Variants in NRXN3 observed in about 807,000 individuals in gnomAD.
NRXN3 encodes the protein neurexin 3.
A neutral mutation model predicts 137.6 loss-of-function variants in NRXN3; 32 were observed. The observed-to-expected ratio is 0.23, with a 90% CI of 0.18 to 0.31. NRXN3 has a LOEUF of 0.31. NRXN3 is among the 10% of genes least tolerant of loss of function. NRXN3 has a pLI of 1.00. For synonymous variants in NRXN3, 798 were observed against 784.5 expected, an observed-to-expected ratio of 1.02 and a Z score of -0.29; for missense variants, 1,574 against 2,062.5, an observed-to-expected ratio of 0.76 and a Z score of 4.59.
intron 8 of NRXN3, among the ~76,000 whole-genome samples, chr14:78,801,871 T>C (rs1463980365): frequency 6.6e-6 from 1 of 152,228 alleles, no homozygotes; most frequent in Non-Finnish European, 1.5e-5. Flanking sequence ...GCTTCCCTCC[T>C]CTGAATGTTA....
intron 1 of NRXN3, among the ~76,000 whole-genome samples, chr14:78,227,395 G>A (rs75828151): frequency 0.021 from 3,146 of 152,214 alleles, 95 homozygotes; most frequent in African/African-American, 0.072. Flanking sequence ...ATGAGACAGA[G>A]TTACTTTATA....
intron 16 of NRXN3, among the ~76,000 whole-genome samples, chr14:79,629,665 A>G (rs530741716): frequency 3.3e-5 from 5 of 152,198 alleles, no homozygotes; most frequent in Non-Finnish European, 7.3e-5. Context: ...GGGAGTAAGC[A>G]GGGTGACAAA....
chr14:78,574,630 G>T (rs538366507), intron 4 of NRXN3, among the ~76,000 whole-genome samples: 4 of 152,326 alleles, frequency 2.6e-5, no homozygotes, highest in African/African-American at 9.6e-5. Context: ...TGTGGAATAG[G>T]TGTATTCACC....
chr14:78,929,487 T>C (rs1056723865), intron 10 of NRXN3, among the ~76,000 whole-genome samples: 15 of 152,324 alleles, frequency 9.8e-5, no homozygotes, highest in Admixed American at 5.2e-4. Flanking sequence ...ATTAGTTTGC[T>C]AAGGATAATG....
chr14:79,737,730 CT>C (rs559480106), intron 19 of NRXN3, among the ~76,000 whole-genome samples: 246 of 144,048 alleles, frequency 1.7e-3, no homozygotes, highest in African/African-American at 1.9e-3. Context: ...TTCTTTCTTT[CT>C]TTTTTTTTTT....
chr14:79,093,632 G>A (rs556123158), intron 15 of NRXN3, among the ~76,000 whole-genome samples: 7 of 152,236 alleles, frequency 4.6e-5, no homozygotes, highest in African/African-American at 9.6e-5. Flanking sequence ...TAAGCACACC[G>A]GTTAAGTGTG....
chr14:78,767,972 A>G (rs1461104608), intron 8 of NRXN3, among the ~76,000 whole-genome samples: 1 of 151,992 alleles, frequency 6.6e-6, no homozygotes, highest in Non-Finnish European at 1.5e-5. Context: ...AGAAATTCCC[A>G]CATATAAAAT....
intron 15 of NRXN3, among the ~76,000 whole-genome samples, chr14:79,348,019 T>C (rs1272743832): frequency 6.6e-6 from 1 of 152,190 alleles, no homozygotes; most frequent in Non-Finnish European, 1.5e-5. Context: ...CTTTCATGGC[T>C]TTTTAAGCTT....
At chr14:78,538,287 A>C (rs992484241) in intron 4 of NRXN3, among the ~76,000 whole-genome samples, 1 of 152,022 alleles carries the variant, frequency 6.6e-6, no homozygotes. Flanking sequence ...CTTTTATTTC[A>C]TTGAGCAGTG....
chr14:78,250,708 G>T (rs28690246), intron 2 of NRXN3, among the ~76,000 whole-genome samples: 2,096 of 152,302 alleles, frequency 0.014, 47 homozygotes, highest in African/African-American at 0.045. Context: ...GGGTGCAAGG[G>T]TATGAGGGCA....
chr14:78,834,339 C>T (rs140824873), intron 10 of NRXN3, among the ~76,000 whole-genome samples: 1,910 of 152,208 alleles, frequency 0.013, 43 homozygotes, highest in African/African-American at 0.044. Context: ...ATAAATGACT[C>T]ACTTGGCACC....
intron 15 of NRXN3, among the ~76,000 whole-genome samples, chr14:79,272,210 G>T (rs941525855): frequency 4.5e-5 from 5 of 112,312 alleles, no homozygotes; most frequent in Admixed American, 8.9e-5. Context: ...GTCTAATTTG[G>T]TTTAGGTTTT....
chr14:78,508,943 A>G (rs2096053102), intron 4 of NRXN3, among the ~76,000 whole-genome samples: 1 of 152,236 alleles, frequency 6.6e-6, no homozygotes, highest in South Asian at 2.1e-4. Context: ...ATTCAGTACT[A>G]TAATGTAGAG....
chr14:78,176,322 G>A (rs2059262251), intron 1 of NRXN3, among the ~76,000 whole-genome samples: 1 of 151,282 alleles, frequency 6.6e-6, no homozygotes, highest in Non-Finnish European at 1.5e-5. Flanking sequence ...GGTAGTAATA[G>A]TCGTGATATA....
At chr14:78,196,065 A>G (rs1333185785) in intron 1 of NRXN3, among the ~76,000 whole-genome samples, 1 of 152,216 alleles carries the variant, frequency 6.6e-6, no homozygotes, top group Non-Finnish European at 1.5e-5. Context: ...TTCGTTTCCC[A>G]TGGGCCAAGG....
intron 4 of NRXN3, among the ~76,000 whole-genome samples, chr14:78,404,392 C>G (rs547331722): frequency 6.6e-6 from 1 of 152,072 alleles, no homozygotes; most frequent in Non-Finnish European, 1.5e-5. Context: ...TCAGGCTTGT[C>G]AGATACTATT....
intron 15 of NRXN3, among the ~76,000 whole-genome samples, chr14:79,433,328 T>C (rs1312254968): frequency 6.6e-6 from 1 of 152,144 alleles, no homozygotes; most frequent in East Asian, 1.9e-4. Context: ...TCCTGGTTGT[T>C]CTTGACCCCC....
intron 20 of NRXN3, among the ~76,000 whole-genome samples, chr14:79,828,200 G>A (rs1380963778): frequency 6.6e-6 from 1 of 152,188 alleles, no homozygotes; most frequent in Non-Finnish European, 1.5e-5. Context: ...GCAGCTTTGA[G>A]TCAACCCATA....
At chr14:79,474,488 T>A (rs1474871778) in intron 16 of NRXN3, among the ~76,000 whole-genome samples, 1 of 152,142 alleles carries the variant, frequency 6.6e-6, no homozygotes, top group Non-Finnish European at 1.5e-5. Flanking sequence ...TTAACCAGAT[T>A]CACAATGAAG....
Sources: allele counts gnomAD v4.1 joint callset (sites outside exome capture counted in the v4.1 genomes callset), GRCh38; gene constraint gnomAD v4.1.1; transcripts MANE v1.5; gene names NCBI Gene and HGNC (gene_info 2026-07-23, HGNC 2026-07-21).